TMCO5A: variants seen among roughly 807,000 people sequenced by gnomAD.
The protein encoded by TMCO5A is transmembrane and coiled-coil domains 5A, also known as transmembrane and coiled-coil domain-containing protein 5A.
Under a neutral mutation model 42.3 loss-of-function variants are expected in TMCO5A, and 34 were observed. That is an observed-to-expected ratio of 0.80 (90% CI 0.61 to 1.07). The LOEUF (loss-of-function observed/expected upper bound fraction) is 1.07, where lower values mean the gene tolerates loss of function less well. Ranked by LOEUF, TMCO5A falls within the 50% of genes least tolerant of loss-of-function variation. The probability of loss-of-function intolerance (pLI) is 0.00; values close to 1 mark genes in which losing one functional copy is unlikely to be tolerated. For missense variants in TMCO5A, 357 were observed against 327.9 expected (o/e 1.09, Z -0.69); for synonymous variants, 131 against 115.6 (o/e 1.13, Z -0.86).
At chr15:37,980,236 G>A in the TMCO5A span, among the ~76,000 whole-genome samples, 1 of 152,146 alleles carries the variant, frequency 6.6e-6, no homozygotes, top group African/African-American at 2.4e-5. Context: ...CCTCAGCCCT[G>A]TCGATTCAGC....
chr15:38,031,548 G>C, the TMCO5A span, among the ~76,000 whole-genome samples: 12 of 152,176 alleles, frequency 7.9e-5, no homozygotes, highest in African/African-American at 2.9e-4. Context: ...AGAGACCCAT[G>C]TGGTGAGGAA....
At chr15:37,972,133 C>G (rs571322889), downstream of TMCO5A, among the ~76,000 whole-genome samples, 8 of 152,328 alleles carry the variant, frequency 5.3e-5, no homozygotes, top group South Asian at 2.1e-4. Context: ...ATTGGACTTA[C>G]AGTTCCACGT....
chr15:37,951,374 C>G lies in TMCO5A; in HGVS notation c.*140C>G, dbSNP rs933954846. Reference sequence around the variant, plus strand: ...CCTGCTTGACTACCTTCTGTCACCACGTCATCTTTCCAGGATTAACCTTGA... The same window carrying G: ...CCTGCTTGACTACCTTCTGTCACCAGGTCATCTTTCCAGGATTAACCTTGA... On this transcript the variant is annotated 3_prime_UTR_variant, in exon 12 of 12. Transcript: ENST00000319669. 3 of 722,134 alleles carry G rather than the reference C, an allele frequency of 4.2e-6. No individual in the cohort carries two copies. Among genetic ancestry groups the G allele is most frequent in the Non-Finnish European group, 6.8e-6 (3 of 439,254 alleles). 44.7% of individuals were successfully genotyped at this position (722,134 alleles called of 1,614,324 possible).
chr15:37,980,611 CAG>C, the TMCO5A span, among the ~76,000 whole-genome samples: 3 of 145,146 alleles, frequency 2.1e-5, no homozygotes, highest in Non-Finnish European at 4.5e-5. Flanking sequence ...CGGCGCACAC[CAG>C]CCGCTTCTAG....
At position 37,936,407 on chromosome 15, in the gene TMCO5A, T is replaced by G; in HGVS notation, c.84T>G (p.Asp28Glu). 1.9e-6 allele frequency: 3 copies of G among 1,613,168 alleles called. No homozygotes were observed. Among genetic ancestry groups the G allele is most frequent in the Non-Finnish European group, 2.5e-6 (3 of 1,179,458 alleles). ...MDLERDTQRI[D>E]EANQKLLLKI... ...TTGAAAGGGATACGCAGAGAATAGA[T>G]GAAGCAAATCAGAAACTTCTTCTCA... Residue 28 changes from aspartate to glutamate, a missense_variant, in exon 3 of 12, where the codon GAT (aspartate) becomes GAG (glutamate). By Grantham distance (45) the Asp-to-Glu change is conservative. Transcript: ENST00000319669.
intron 9 of TMCO5A, 122 bp from the exon 10 acceptor site, chr15:37,943,219 C>G: frequency 1.3e-6 from 1 of 766,208 alleles, no homozygotes; most frequent in South Asian, 2.1e-5. Flanking sequence ...TATAGGTAGA[C>G]AGTAGTTACA....
At chr15:38,001,942 G>A in the TMCO5A span, among the ~76,000 whole-genome samples, 1 of 152,034 alleles carries the variant, frequency 6.6e-6, no homozygotes, top group Non-Finnish European at 1.5e-5. Context: ...CTCAAGATAT[G>A]AGTAGATTAC....
chr15:37,967,509 T>G lies in TMCO5A; in HGVS notation c.*866T>G, dbSNP rs538997751. On this transcript the variant is annotated 3_prime_UTR_variant, in exon 12 of 12. Transcript: ENST00000559502. The stretch of plus-strand genomic sequence containing the variant: ...GGAAAATCCAAACTGAGATTACTTT[T>G]ATAGGGTCAGTTACATGCTAAGGAG... 4 of 152,310 alleles carry G rather than the reference T, an allele frequency of 2.6e-5. No homozygotes were observed. The East Asian group carries it at 7.7e-4, about 29-fold the overall frequency. 9.4% of individuals were successfully genotyped at this position (152,310 alleles called of 1,614,324 possible). A position where few individuals can be genotyped will look rare whatever the true frequency, so the allele number is the denominator to read the frequency against.
the TMCO5A span, among the ~76,000 whole-genome samples, chr15:38,028,630 G>A: frequency 6.6e-6 from 1 of 151,772 alleles, no homozygotes; most frequent in East Asian, 1.9e-4. Context: ...CTGTTTCCAG[G>A]GTGAGTTTTG....
At chr15:37,936,126 T>G (rs1336244496) in intron 2 of TMCO5A, 188 bp from the exon 3 acceptor site, 6 of 552,324 alleles carry the variant, frequency 1.1e-5, no homozygotes, top group Non-Finnish European at 1.4e-5. Context: ...CCTTGCTGAC[T>G]GAGCTGCGAA....
At chr15:37,967,053 T>G (rs1890575100) in exon 12 of TMCO5A, 1 of 184,730 alleles carries the variant, frequency 5.4e-6, no homozygotes, top group African/African-American at 2.4e-5. Context: ...CTTCTAAAGA[T>G]AGTAGATTAA....
At chr15:37,969,136 T>C (rs1370740068), downstream of TMCO5A, among the ~76,000 whole-genome samples, 1 of 152,086 alleles carries the variant, frequency 6.6e-6, no homozygotes, top group East Asian at 1.9e-4. Context: ...CTACGTCCAA[T>C]AAGAGGTGAC....
chr15:38,011,993 G>A, the TMCO5A span, among the ~76,000 whole-genome samples: 43 of 152,110 alleles, frequency 2.8e-4, no homozygotes, highest in African/African-American at 8.7e-4. Flanking sequence ...GCGCAGTGCC[G>A]GGTGCCTGTA....
the TMCO5A span, among the ~76,000 whole-genome samples, chr15:38,014,853 T>TCATATA: frequency 1.8e-5 from 1 of 54,664 alleles, no homozygotes; most frequent in African/African-American, 7.7e-5. Context: ...AGGAGAAAGA[T>TCATATA]TATATATATA....
downstream of TMCO5A, among the ~76,000 whole-genome samples, chr15:37,970,673 A>G (rs1433390470): frequency 6.6e-6 from 1 of 152,214 alleles, no homozygotes; most frequent in Non-Finnish European, 1.5e-5. Context: ...TACTTCCTAG[A>G]GACAATGGGG....
intron 3 of TMCO5A, 44 bp downstream of exon 3, chr15:37,936,507 G>C (rs1566913303): frequency 6.3e-7 from 1 of 1,581,304 alleles, no homozygotes; most frequent in Non-Finnish European, 8.6e-7. Flanking sequence ...ATCCAAAGAA[G>C]GGGTGGAGGA....
chr15:37,994,262 C>CA, the TMCO5A span, among the ~76,000 whole-genome samples: 3 of 152,138 alleles, frequency 2.0e-5, no homozygotes, highest in East Asian at 5.8e-4. Context: ...CCTCCATTAG[C>CA]AGGCTTCCAG....
At chr15:38,011,122 G>T in the TMCO5A span, among the ~76,000 whole-genome samples, 2 of 152,134 alleles carry the variant, frequency 1.3e-5, no homozygotes, top group Non-Finnish European at 2.9e-5. Context: ...AGTATCTGTG[G>T]GTCAGGAACC....
the TMCO5A span, among the ~76,000 whole-genome samples, chr15:38,019,359 A>G: frequency 2.0e-5 from 3 of 152,262 alleles, no homozygotes; most frequent in Non-Finnish European, 4.4e-5. Context: ...AAAGCTAACT[A>G]GAATATTTAT....
Sources: allele counts gnomAD v4.1 joint callset (sites outside exome capture counted in the v4.1 genomes callset), GRCh38; gene constraint gnomAD v4.1.1; transcripts MANE v1.5; gene names NCBI Gene and HGNC (gene_info 2026-07-23, HGNC 2026-07-21).